The following ROBO1 variants were observed in gnomAD, a reference collection of about 807,000 sequenced individuals.
ROBO1 encodes roundabout guidance receptor 1.
ROBO1 carries 149 observed loss-of-function variants against 195.9 expected under a neutral mutation model. The ratio of observed to expected loss-of-function variants is 0.76; its 90% CI spans 0.67 to 0.87. The LOEUF (loss-of-function observed/expected upper bound fraction) is 0.87, where lower values mean the gene tolerates loss of function less well. ROBO1 is among the 40% of genes least tolerant of loss of function. The probability of loss-of-function intolerance (pLI) is 0.00; values close to 1 mark genes in which losing one functional copy is unlikely to be tolerated. For missense variants in ROBO1, 1,933 were observed against 2,068.3 expected, an observed-to-expected ratio of 0.93 and a Z score of 1.27; for synonymous variants, 816 against 733.2, an observed-to-expected ratio of 1.11 and a Z score of -1.82.
intron 24 of ROBO1, 111 bp from the exon 25 acceptor site, chr3:78,631,416 C>A (rs1245950082): frequency 8.6e-7 from 1 of 1,169,412 alleles, no homozygotes; most frequent in Non-Finnish European, 1.2e-6. Flanking sequence ...TTTATATATA[C>A]AGAGATAAAC....
intron 4 of ROBO1, among the ~76,000 whole-genome samples, chr3:78,852,308 T>A (rs547607481): frequency 2.6e-5 from 4 of 152,232 alleles, no homozygotes; most frequent in African/African-American, 9.6e-5. Flanking sequence ...AGACTCCAAT[T>A]AAATGAGAAT....
chr3:79,372,756 T>C (rs1212619035), intron 2 of ROBO1, among the ~76,000 whole-genome samples: 3 of 152,106 alleles, frequency 2.0e-5, no homozygotes, highest in African/African-American at 7.2e-5. Context: ...TGTGAGAAAA[T>C]ACATTTTTTT....
At chr3:79,101,028 C>A (rs912987690) in intron 3 of ROBO1, among the ~76,000 whole-genome samples, 13 of 151,812 alleles carry the variant, frequency 8.6e-5, no homozygotes, top group African/African-American at 2.9e-4. Context: ...GCCAATCTAG[C>A]AGATGGTCAG....
At chr3:79,097,503 A>ATG (rs2079592369) in intron 3 of ROBO1, among the ~76,000 whole-genome samples, 1 of 151,780 alleles carries the variant, frequency 6.6e-6, no homozygotes, top group African/African-American at 2.4e-5. Flanking sequence ...ATTGTGTGAT[A>ATG]TGTGGTGTTT....
intron 1 of ROBO1, among the ~76,000 whole-genome samples, chr3:79,751,798 T>A (rs1001356583): frequency 1.1e-4 from 16 of 152,220 alleles, no homozygotes; most frequent in African/African-American, 3.9e-4. Context: ...TCATTAATGA[T>A]TAGTCACAGG....
At chr3:79,465,327 A>T (rs1166864593) in intron 2 of ROBO1, among the ~76,000 whole-genome samples, 2 of 152,272 alleles carry the variant, frequency 1.3e-5, no homozygotes, top group African/African-American at 4.8e-5. Flanking sequence ...ATCGCAAAAA[A>T]GATCCCCTTA....
At chr3:78,673,605 T>TATATATATACAC (rs779997525) in intron 10 of ROBO1, among the ~76,000 whole-genome samples, 7 of 53,262 alleles carry the variant, frequency 1.3e-4, no homozygotes, top group Non-Finnish European at 2.1e-4. Context: ...TATATATATA[T>TATATATATACAC]ACACACATAT....
chr3:78,773,764 T>A, intron 4 of ROBO1, among the ~76,000 whole-genome samples: 2 of 152,172 alleles, frequency 1.3e-5, no homozygotes, highest in Non-Finnish European at 2.9e-5. Flanking sequence ...GTCTCATATA[T>A]AGCAAACTGT....
chr3:79,262,817 T>C (rs2082965987), intron 2 of ROBO1, among the ~76,000 whole-genome samples: 1 of 152,078 alleles, frequency 6.6e-6, no homozygotes, highest in Non-Finnish European at 1.5e-5. Context: ...AATTGGGAAT[T>C]CCATAGTGTG....
intron 1 of ROBO1, among the ~76,000 whole-genome samples, chr3:79,675,560 G>A (rs552084278): frequency 3.5e-4 from 53 of 151,930 alleles, no homozygotes; most frequent in Middle Eastern, 3.4e-3. Flanking sequence ...GTAGCTGGAG[G>A]GTAAAGAGAA....
At chr3:79,597,128 C>CGTGTGTGT (rs10597144) in intron 1 of ROBO1, among the ~76,000 whole-genome samples, 5 of 149,276 alleles carry the variant, frequency 3.3e-5, no homozygotes, top group African/African-American at 1.2e-4. Context: ...TGTGCATGCA[C>CGTGTGTGT]GTGTGTGTGT....
intron 3 of ROBO1, among the ~76,000 whole-genome samples, chr3:78,952,252 G>A (rs977113861): frequency 6.6e-6 from 1 of 151,100 alleles, no homozygotes; most frequent in Non-Finnish European, 1.5e-5. Flanking sequence ...AAAAGCAGAA[G>A]AGGAACAAAT....
chr3:78,694,496 G>A (rs183455655), intron 8 of ROBO1, among the ~76,000 whole-genome samples: 8 of 152,196 alleles, frequency 5.3e-5, no homozygotes, highest in African/African-American at 1.4e-4. Context: ...TAATTCATAC[G>A]TTCCCTTCAA....
chr3:78,852,709 A>G (rs1285271073), intron 4 of ROBO1, among the ~76,000 whole-genome samples: 2 of 152,180 alleles, frequency 1.3e-5, no homozygotes, highest in African/African-American at 4.8e-5. Flanking sequence ...TATGGATTTT[A>G]CCATGAAGGC....
chr3:79,174,193 C>G (rs891858314), intron 2 of ROBO1, among the ~76,000 whole-genome samples: 2 of 152,134 alleles, frequency 1.3e-5, no homozygotes, highest in African/African-American at 4.8e-5. Flanking sequence ...CTGCTGCTCA[C>G]TCTTTGGGTC....
chr3:79,099,511 C>T (rs2079635394), intron 3 of ROBO1, among the ~76,000 whole-genome samples: 1 of 151,374 alleles, frequency 6.6e-6, no homozygotes, highest in Admixed American at 6.6e-5. Context: ...TGAGAAGCAA[C>T]CAGAGGACAA....
chr3:79,592,123 A>C (rs1944016550), intron 1 of ROBO1, among the ~76,000 whole-genome samples: 1 of 151,974 alleles, frequency 6.6e-6, no homozygotes, highest in Non-Finnish European at 1.5e-5. Flanking sequence ...GGCTAATTAC[A>C]TTTTAATTGT....
intron 2 of ROBO1, among the ~76,000 whole-genome samples, chr3:79,315,196 C>A (rs1321127663): frequency 6.6e-6 from 1 of 152,102 alleles, no homozygotes; most frequent in Non-Finnish European, 1.5e-5. Context: ...AATCCCAGAA[C>A]TTTAGGAGGC....
intron 3 of ROBO1, among the ~76,000 whole-genome samples, chr3:78,985,552 G>A (rs1321273952): frequency 1.3e-5 from 2 of 151,844 alleles, no homozygotes; most frequent in Non-Finnish European, 2.9e-5. Flanking sequence ...TTGGTAGCAG[G>A]GTTTCTCAGA....
Sources: allele counts gnomAD v4.1 joint callset (sites outside exome capture counted in the v4.1 genomes callset), GRCh38; gene constraint gnomAD v4.1.1; transcripts MANE v1.5; gene names NCBI Gene and HGNC (gene_info 2026-07-23, HGNC 2026-07-21).